Variants in NDUFAF6 observed in about 807,000 individuals in gnomAD.
NDUFAF6 encodes the protein NADH:ubiquinone oxidoreductase complex assembly factor 6.
In NDUFAF6, 45 loss-of-function variants were observed where a neutral mutation model predicts 40.8. The observed-to-expected ratio is 1.10, with a 90% confidence interval of 0.87 to 1.42. The LOEUF (loss-of-function observed/expected upper bound fraction) is 1.42, where lower values mean the gene tolerates loss of function less well. NDUFAF6 is among the 40% of genes most tolerant of loss of function. The pLI, the probability that NDUFAF6 is intolerant of heterozygous loss-of-function variation, is 0.00. For synonymous variants in NDUFAF6, 185 were observed against 155.9 expected, an observed-to-expected ratio of 1.19 and a Z score of -1.39; for missense variants, 435 against 418.5, an observed-to-expected ratio of 1.04 and a Z score of -0.34.
At chr8:95,053,126 CTCTG>C (rs1831630384) in intron 8 of NDUFAF6, among the ~76,000 whole-genome samples, 1 of 152,164 alleles carries the variant, frequency 6.6e-6, no homozygotes, top group Non-Finnish European at 1.5e-5. Flanking sequence ...CCTTCACACC[CTCTG>C]TCTTAGTGTT....
At chr8:95,032,261 A>G (rs917374273) in intron 2 of NDUFAF6, among the ~76,000 whole-genome samples, 167 bp downstream of exon 2, 2 of 152,362 alleles carry the variant, frequency 1.3e-5, no homozygotes, top group Admixed American at 1.3e-4. Flanking sequence ...ATTCAATACC[A>G]AAAATAAAAC....
intron 2 of NDUFAF6, among the ~76,000 whole-genome samples, chr8:95,093,287 T>C (rs1809329983): frequency 6.6e-6 from 1 of 152,210 alleles, no homozygotes; most frequent in Admixed American, 6.5e-5. Context: ...TCTTTGGGGT[T>C]GTGAGAAAGA....
intron 1 of NDUFAF6, among the ~76,000 whole-genome samples, chr8:94,979,883 C>G (rs1436120402): frequency 2.0e-5 from 3 of 152,108 alleles, no homozygotes; most frequent in Non-Finnish European, 4.4e-5. Context: ...TCACTTGAGG[C>G]CAGTAGTTCA....
chr8:95,033,575 A>G (rs746402948), intron 2 of NDUFAF6, among the ~76,000 whole-genome samples: 8 of 152,216 alleles, frequency 5.3e-5, no homozygotes, highest in Non-Finnish European at 1.0e-4. Context: ...TCATTGTGTA[A>G]TGTATCAGAT....
intron 1 of NDUFAF6, among the ~76,000 whole-genome samples, chr8:94,896,240 C>G (rs2131140611): frequency 6.7e-6 from 1 of 148,660 alleles, no homozygotes; most frequent in East Asian, 2.0e-4. Flanking sequence ...CCACCACGTG[C>G]AGGCCCCGGG....
chr8:94,930,736 A>C lies in NDUFAF6; in HGVS notation c.-935-14747A>C, dbSNP rs1820313556. The C allele has an allele frequency of 1.9e-6, 3 of 1,612,898 alleles. No individual in the cohort carries two copies. In the South Asian group the frequency reaches 3.3e-5, roughly 18 times the overall value. ...TCATTTTGAGCTTCCACTCTGAAAC[A>C]GAAAAAAGTGGGGATGTATTAAATA... On this transcript the variant is annotated intron_variant, in intron 1 of 14. Transcript: ENST00000396113.
At chr8:95,094,237 G>A (rs957995454) in intron 2 of NDUFAF6, among the ~76,000 whole-genome samples, 1 of 152,146 alleles carries the variant, frequency 6.6e-6, no homozygotes, top group Non-Finnish European at 1.5e-5. Flanking sequence ...CTTCCAAATT[G>A]CTGGGATTAT....
rs1168206293 is a variant in NDUFAF6, at chr8:95,035,585, A to AT, written c.420+9_420+10insT. The AT allele has an allele frequency of 9.3e-6, 15 of 1,611,294 alleles. No individual in the cohort carries two copies. The highest frequency in any genetic ancestry group is 1.1e-5 in the Non-Finnish European group (13 of 1,178,792). ...CCATTGAACTATGGAAGGTAAAAAA[A>AT]AAAAAATACCACTTTTAATTTGTAT... On this transcript the variant is annotated intron_variant, in intron 3 of 8. Coordinates refer to ENST00000396124, the MANE Select transcript of NDUFAF6 (RefSeq NM_152416.4).
chr8:95,022,614 A>T (rs1827736382), upstream of NDUFAF6, among the ~76,000 whole-genome samples: 1 of 151,844 alleles, frequency 6.6e-6, no homozygotes, highest in Non-Finnish European at 1.5e-5. Context: ...AAATGTAAAA[A>T]AGTGAAATCT....
intron 9 of NDUFAF6, among the ~76,000 whole-genome samples, chr8:95,075,423 C>T (rs571380691): frequency 1.1e-4 from 17 of 152,298 alleles, no homozygotes; most frequent in African/African-American, 3.8e-4. Flanking sequence ...GCCAAATACA[C>T]AGTCTCAAAA....
chr8:95,095,381 G>A (rs540585714), intron 2 of NDUFAF6, among the ~76,000 whole-genome samples: 1 of 152,234 alleles, frequency 6.6e-6, no homozygotes, highest in East Asian at 1.9e-4. Context: ...CATCCGAATG[G>A]GATCCAGGTC....
chr8:94,898,012 C>G (rs922271988), intron 1 of NDUFAF6, among the ~76,000 whole-genome samples: 7 of 152,082 alleles, frequency 4.6e-5, no homozygotes, highest in African/African-American at 1.4e-4. Flanking sequence ...CAATAAATAC[C>G]AGGCTTTTAA....
At chr8:94,922,953 C>T (rs776314785) in intron 1 of NDUFAF6, among the ~76,000 whole-genome samples, 1 of 152,194 alleles carries the variant, frequency 6.6e-6, no homozygotes, top group Admixed American at 6.5e-5. Context: ...GTCTCATGGC[C>T]GTGATCCCCA....
At chr8:95,014,537 G>A (rs1275943686) in intron 2 of NDUFAF6, among the ~76,000 whole-genome samples, 1 of 152,208 alleles carries the variant, frequency 6.6e-6, no homozygotes, top group Non-Finnish European at 1.5e-5. Flanking sequence ...GCAGAGAAGT[G>A]ACATCCCCAT....
chr8:95,070,750 A>G (rs1164637852), intron 9 of NDUFAF6, among the ~76,000 whole-genome samples: 1 of 152,216 alleles, frequency 6.6e-6, no homozygotes, highest in Non-Finnish European at 1.5e-5. Context: ...TATATCAACA[A>G]CTTCAAGCTG....
intron 4 of NDUFAF6, among the ~76,000 whole-genome samples, chr8:95,108,487 T>A (rs774614508): frequency 6.6e-6 from 1 of 152,184 alleles, no homozygotes; most frequent in African/African-American, 2.4e-5. Flanking sequence ...TCCACCTATA[T>A]GAGGTATGAA....
chr8:95,025,256 G>A, intron 1 of NDUFAF6, 51 bp downstream of exon 1: 3 of 1,347,602 alleles, frequency 2.2e-6, no homozygotes, highest in Non-Finnish European at 2.8e-6. Context: ...GTCCCGGGGT[G>A]GGAGCGGCTG....
At chr8:95,073,120 T>G (rs1272426991) in intron 9 of NDUFAF6, 1 of 152,690 alleles carries the variant, frequency 6.5e-6, no homozygotes, top group East Asian at 1.9e-4. Context: ...ATAGACGCGC[T>G]GAGGGCTAGG....
intron 1 of NDUFAF6, among the ~76,000 whole-genome samples, chr8:94,937,813 C>G (rs1394259218): frequency 2.0e-5 from 3 of 151,978 alleles, no homozygotes; most frequent in Non-Finnish European, 4.4e-5. Flanking sequence ...AAACTGGAGC[C>G]AACAACGAAT....
Sources: gnomAD v4.1 joint callset for allele counts (sites outside exome capture counted in the v4.1 genomes callset) on GRCh38, gnomAD v4.1.1 for gene constraint, MANE v1.5 for transcripts, NCBI Gene and HGNC (gene_info 2026-07-23, HGNC 2026-07-21) for gene names.